Variants in RPS6KC1 observed in about 807,000 individuals in gnomAD.
RPS6KC1 encodes the protein ribosomal protein S6 kinase C1, also known as inactive ribosomal protein S6 kinase delta-1.
In RPS6KC1, 54 loss-of-function variants were observed where a neutral mutation model predicts 103.8. The observed-to-expected ratio is 0.52, with a 90% CI of 0.42 to 0.65. The LOEUF (loss-of-function observed/expected upper bound fraction) is 0.65. Ranked by LOEUF, RPS6KC1 falls within the 30% of genes least tolerant of loss-of-function variation. RPS6KC1 has a pLI of 0.00. For missense variants in RPS6KC1, 1,151 were observed against 1,253.8 expected, an observed-to-expected ratio of 0.92 and a Z score of 1.24; for synonymous variants, 439 against 438.7, an observed-to-expected ratio of 1.00 and a Z score of -0.01.
the RPS6KC1 span, among the ~76,000 whole-genome samples, chr1:213,551,683 C>T: frequency 6.6e-6 from 1 of 152,236 alleles, no homozygotes; most frequent in Non-Finnish European, 1.5e-5. Context: ...GTTTCTTACA[C>T]TTGGTGAACA....
At chr1:213,122,671 G>A (rs1052302444) in intron 5 of RPS6KC1, among the ~76,000 whole-genome samples, 1 of 152,088 alleles carries the variant, frequency 6.6e-6, no homozygotes, top group Non-Finnish European at 1.5e-5. Flanking sequence ...GGCACCATAA[G>A]AACTCTAAAT....
chr1:213,539,728 G>A, the RPS6KC1 span, among the ~76,000 whole-genome samples: 4 of 139,406 alleles, frequency 2.9e-5, no homozygotes, highest in Admixed American at 6.8e-5. Flanking sequence ...TAAAATGATC[G>A]GGGCAAAATG....
chr1:213,756,355 G>A, the RPS6KC1 span, among the ~76,000 whole-genome samples: 1 of 152,220 alleles, frequency 6.6e-6, no homozygotes, highest in African/African-American at 2.4e-5. Flanking sequence ...AGGGCTGTCT[G>A]TAGGGAAGGG....
chr1:213,568,701 A>C, the RPS6KC1 span, among the ~76,000 whole-genome samples: 49 of 152,354 alleles, frequency 3.2e-4, no homozygotes, highest in African/African-American at 1.1e-3. Flanking sequence ...AAAGCCCTGC[A>C]AGATTGTCAC....
chr1:213,623,117 G>GA, the RPS6KC1 span, among the ~76,000 whole-genome samples: 2 of 152,184 alleles, frequency 1.3e-5, no homozygotes, highest in Admixed American at 1.3e-4. Flanking sequence ...GCTGTAGAAG[G>GA]AAGGCGATTG....
chr1:213,847,012 G>A, the RPS6KC1 span, among the ~76,000 whole-genome samples: 2 of 152,162 alleles, frequency 1.3e-5, no homozygotes, highest in Non-Finnish European at 2.9e-5. Context: ...AGGAGCCTAT[G>A]AATTTGTACC....
At chr1:213,368,714 C>A in the RPS6KC1 span, among the ~76,000 whole-genome samples, 4 of 152,168 alleles carry the variant, frequency 2.6e-5, no homozygotes, top group East Asian at 5.8e-4. Flanking sequence ...TGTTGGCTTG[C>A]TGTCTCCTTC....
At chr1:213,844,326 T>C in the RPS6KC1 span, among the ~76,000 whole-genome samples, 7 of 152,320 alleles carry the variant, frequency 4.6e-5, no homozygotes, top group South Asian at 1.4e-3. Flanking sequence ...TTATGGACAA[T>C]TTGTGAACAT....
At chr1:213,608,231 G>A in the RPS6KC1 span, among the ~76,000 whole-genome samples, 9 of 152,276 alleles carry the variant, frequency 5.9e-5, no homozygotes, top group South Asian at 2.1e-4. Context: ...AGGTGGTGAC[G>A]GTGCCCCGGG....
At chr1:213,263,166 A>G (rs1043356928) in intron 14 of RPS6KC1, among the ~76,000 whole-genome samples, 2 of 152,100 alleles carry the variant, frequency 1.3e-5, no homozygotes, top group African/African-American at 4.8e-5. Context: ...ATGAATGGCT[A>G]TTTTCAATTT....
At chr1:213,232,677 G>T (rs908599540) in intron 10 of RPS6KC1, among the ~76,000 whole-genome samples, 1 of 152,264 alleles carries the variant, frequency 6.6e-6, no homozygotes, top group African/African-American at 2.4e-5. Flanking sequence ...AGGCAAGGGT[G>T]TTGGCTTAAC....
chr1:213,102,205 C>G lies in RPS6KC1; in HGVS notation c.263-2249C>G, dbSNP rs1418045929. 2.6e-5 allele frequency among the ~76,000 whole-genome samples: 4 copies of G among 152,168 alleles called. No individual in the cohort carries two copies. The East Asian group carries it at 7.7e-4, about 29-fold the overall frequency. On this transcript the variant is annotated intron_variant, in intron 3 of 14. Transcript: ENST00000366960. Reference sequence around the variant, plus strand: ...ATGGCAAAAGATTTGGAGGTAGCCTCAAGCGTGGCAGCTGCCCAGTGATCT... The same window carrying G: ...ATGGCAAAAGATTTGGAGGTAGCCTGAAGCGTGGCAGCTGCCCAGTGATCT...
the RPS6KC1 span, among the ~76,000 whole-genome samples, chr1:213,574,252 T>C: frequency 5.3e-5 from 8 of 152,232 alleles, no homozygotes; most frequent in Non-Finnish European, 1.0e-4. Context: ...TGGTGCCCTC[T>C]TGCCGTTTAT....
the RPS6KC1 span, among the ~76,000 whole-genome samples, chr1:213,488,013 A>T: frequency 6.6e-6 from 1 of 152,114 alleles, no homozygotes; most frequent in Non-Finnish European, 1.5e-5. Context: ...TCCATTTAAG[A>T]ATCATGTACT....
chr1:213,195,012 AG>A (rs1313460724), intron 8 of RPS6KC1, among the ~76,000 whole-genome samples: 1 of 152,218 alleles, frequency 6.6e-6, no homozygotes, highest in African/African-American at 2.4e-5. Context: ...GAGATGGTGG[AG>A]GAGAGAAGGG....
chr1:213,674,026 A>AT, the RPS6KC1 span, among the ~76,000 whole-genome samples: 168 of 148,300 alleles, frequency 1.1e-3, 2 homozygotes, highest in South Asian at 4.7e-3. Flanking sequence ...CTATTGTACC[A>AT]TTTTTTTTTT....
intron 3 of RPS6KC1, among the ~76,000 whole-genome samples, chr1:213,095,819 T>C (rs2081399629): frequency 6.6e-6 from 1 of 152,234 alleles, no homozygotes; most frequent in Non-Finnish European, 1.5e-5. Flanking sequence ...CTAAAAATGC[T>C]AATTTTCATC....
chr1:213,761,092 T>A, the RPS6KC1 span, among the ~76,000 whole-genome samples: 1 of 152,088 alleles, frequency 6.6e-6, no homozygotes, highest in East Asian at 1.9e-4. Context: ...TGAGCATTTT[T>A]TGAGATAAAG....
the RPS6KC1 span, among the ~76,000 whole-genome samples, chr1:213,559,250 C>T: frequency 2.0e-5 from 3 of 152,198 alleles, no homozygotes; most frequent in African/African-American, 7.2e-5. Context: ...CTAGAACCAG[C>T]TCTCCTGACT....
Sources: allele counts gnomAD v4.1 joint callset (sites outside exome capture counted in the v4.1 genomes callset), GRCh38; gene constraint gnomAD v4.1.1; transcripts MANE v1.5; gene names NCBI Gene and HGNC (gene_info 2026-07-23, HGNC 2026-07-21).